Variants in SLC25A25 observed in about 807,000 individuals in gnomAD.
SLC25A25 encodes mitochondrial adenyl nucleotide antiporter SLC25A25.
SLC25A25 carries 32 observed loss-of-function variants against 57.7 expected under a neutral mutation model. That is an observed-to-expected ratio of 0.55 (90% confidence interval 0.42 to 0.74). SLC25A25 has a LOEUF of 0.74. Ranked by LOEUF, SLC25A25 falls within the 30% of genes least tolerant of loss-of-function variation. SLC25A25 has a pLI of 0.00. For missense variants in SLC25A25, 556 were observed against 701.3 expected (o/e 0.79, Z 2.34); for synonymous variants, 306 against 291.2 (o/e 1.05, Z -0.52).
chr9:128,078,177 T>A lies in SLC25A25; in HGVS notation c.261+9597T>A, dbSNP rs567102799. 3.3e-5 allele frequency among the ~76,000 whole-genome samples: 5 copies of A among 152,202 alleles called. No individual in the cohort carries two copies. The South Asian group carries it at 1.0e-3, about 32-fold the overall frequency. On this transcript the variant is annotated intron_variant, in intron 1 of 10. Coordinates refer to ENST00000373069, the MANE Select transcript of SLC25A25 (RefSeq NM_001330988.2). ...CTTGTTGGTATGAGGACCTACTGCA[T>A]AAGGGGGGTGTGTGGGTTAAATTAG... is the stretch of plus-strand genomic sequence containing the variant.
intron 1 of SLC25A25, chr9:128,098,639 G>A: frequency 1.9e-6 from 3 of 1,614,112 alleles, no homozygotes; most frequent in Non-Finnish European, 2.5e-6. Flanking sequence ...TGAGTCGAAG[G>A]GGCTCCCTGC....
chr9:128,092,079 A>C (rs202020978), intron 1 of SLC25A25: 287 of 1,613,714 alleles, frequency 1.8e-4, no homozygotes, highest in Non-Finnish European at 2.3e-4. Context: ...CCTGCAGAGC[A>C]GTTTCCTAAG....
In SLC25A25 at chr9:128,107,077, C is replaced by T; in HGVS notation, c.1261C>T (p.Pro421Ser). 1 of 1,614,138 alleles carries T rather than the reference C, an allele frequency of 6.2e-7. No homozygotes were observed. Among genetic ancestry groups the T allele is most frequent in the Non-Finnish European group, 8.5e-7 (1 of 1,180,024 alleles). Residue 421 changes from proline to serine, a missense_variant, in exon 10 of 11, where the codon CCC becomes TCC. This residue lies in a region of SLC25A25 where 294 missense variants were observed against 389.6 expected (regional missense o/e 0.75). Coordinates refer to ENST00000373069, the MANE Select transcript of SLC25A25 (RefSeq NM_001330988.2). ...LQHYAVNSADPGVFVLLACGT... is the reference protein window; with the variant it reads ...LQHYAVNSADSGVFVLLACGT... ...GCACTATGCAGTGAACAGCGCGGAC[C>T]CCGGCGTGTTTGTGCTCCTGGCCTG...
At chr9:128,093,225 G>A (rs956629176) in intron 1 of SLC25A25, among the ~76,000 whole-genome samples, 1 of 51,224 alleles carries the variant, frequency 2.0e-5, no homozygotes, top group Non-Finnish European at 5.4e-5. Context: ...CAAAGCAGTG[G>A]GTCTCTCAGA....
chr9:128,068,286 C>A lies in SLC25A25; in HGVS notation c.-34C>A, dbSNP rs1448569030. On this transcript the variant is annotated 5_prime_UTR_variant, in exon 1 of 11. Coordinates refer to ENST00000373069, the MANE Select transcript of SLC25A25 (RefSeq NM_001330988.2). ...TCACCGCCGGCCCGCCGCCCCCGCT[C>A]CCGCCCGCGCCCGGAGCCCCTGCCT... is the stretch of plus-strand genomic sequence containing the variant. The A allele has an allele frequency of 2.9e-5, 36 of 1,249,366 alleles. No individual in the cohort carries two copies. The highest frequency in any genetic ancestry group is 3.5e-5 in the Non-Finnish European group (34 of 984,956). 77.4% of individuals were successfully genotyped at this position (1,249,366 alleles called of 1,614,324 possible).
At chr9:128,105,158 CTTTTTTTTT>C (rs11351573) in intron 6 of SLC25A25, among the ~76,000 whole-genome samples, 4 of 29,136 alleles carry the variant, frequency 1.4e-4, no homozygotes, top group Admixed American at 5.8e-4. Context: ...CACTCCCGGC[CTTTTTTTTT>C]TTTTTTTTTT....
At chr9:128,078,440 C>T (rs1315543811) in intron 1 of SLC25A25, among the ~76,000 whole-genome samples, 1 of 152,196 alleles carries the variant, frequency 6.6e-6, no homozygotes, top group Non-Finnish European at 1.5e-5. Context: ...GAGGGAGAAG[C>T]TTCCGTGGTG....
In SLC25A25 at chr9:128,102,268, T is replaced by C; in HGVS notation, c.513-102T>C. On this transcript the variant is annotated intron_variant, in intron 4 of 10. Coordinates refer to ENST00000373069, the MANE Select transcript of SLC25A25 (RefSeq NM_001330988.2). This position sits in a 1 kb window ranked among gnomAD's most constrained non-coding sequence, Gnocchi z 4.1. ...GGGGGCAGAGGCACCTCGTGTGGTT[T>C]CTGGGCATCCGAATGCCTGCCCTTG... is the stretch of plus-strand genomic sequence containing the variant. The C allele has an allele frequency of 7.1e-7, 1 of 1,415,924 alleles. No individual in the cohort carries two copies. The highest frequency in any genetic ancestry group is 1.8e-4 in the Middle Eastern group (1 of 5,646). The allele number at this position is 1,415,924 out of a possible 1,614,324, so 87.7% of individuals were successfully genotyped here. A position where few individuals can be genotyped will look rare whatever the true frequency, so the allele number is the denominator to read the frequency against.
Position 128,101,553 on chromosome 9 carries a change from C to T in SLC25A25, c.476+157C>T, listed in dbSNP as rs1168071581. On this transcript the variant is annotated intron_variant, in intron 3 of 10. Coordinates refer to ENST00000373069, the MANE Select transcript of SLC25A25 (RefSeq NM_001330988.2). The surrounding 1 kb of genome is among the most constrained non-coding windows in gnomAD (Gnocchi z 4.9). ...AACCCCTGTGGGAGGCCAGCCCCTC[C>T]CCAGGGTTGCAGGCCTGCTTTCATT... 6.6e-6 allele frequency among the ~76,000 whole-genome samples: 1 copy of T among 152,244 alleles called. No homozygotes were observed. The highest frequency in any genetic ancestry group is 1.5e-5 in the Non-Finnish European group (1 of 68,038).
At chr9:128,089,985 T>C (rs1295324174) in intron 1 of SLC25A25, among the ~76,000 whole-genome samples, 4 of 152,110 alleles carry the variant, frequency 2.6e-5, no homozygotes, top group Non-Finnish European at 4.4e-5. Context: ...TATGCCTGGG[T>C]CATACATGCT....
In SLC25A25 at chr9:128,099,856, C is replaced by T. The variant is rs1029162932; in HGVS notation, c.262-1240C>T. On this transcript the variant is annotated intron_variant, in intron 1 of 10. Transcript: ENST00000373069. This position sits in a 1 kb window ranked among gnomAD's most constrained non-coding sequence, Gnocchi z 6.8. ...TGGGCCATCCATTTCCAAACCCCAG[C>T]TGGCTGTCAGTTGATTTCTCCCAGT... 6.6e-6 allele frequency among the ~76,000 whole-genome samples: 1 copy of T among 152,154 alleles called. No homozygotes were observed. Among genetic ancestry groups the T allele is most frequent in the Non-Finnish European group, 1.5e-5 (1 of 68,030 alleles).
intron 1 of SLC25A25, among the ~76,000 whole-genome samples, chr9:128,097,685 C>T (rs1185594137): frequency 2.0e-5 from 3 of 152,300 alleles, no homozygotes; most frequent in East Asian, 1.9e-4. Flanking sequence ...CGGACGTGGG[C>T]GTTGAAGACT....
In SLC25A25 at chr9:128,102,592, TC is replaced by T; in HGVS notation, c.624+113del. 1 of 782,346 alleles carries T rather than the reference TC, an allele frequency of 1.3e-6. No individual in the cohort carries two copies. Among genetic ancestry groups the T allele is most frequent in the Non-Finnish European group, 2.1e-6 (1 of 483,836 alleles). The allele number at this position is 782,346 out of a possible 1,614,324, so 48.5% of individuals were successfully genotyped here. A position where few individuals can be genotyped will look rare whatever the true frequency, so the allele number is the denominator to read the frequency against. On this transcript the variant is annotated intron_variant, in intron 5 of 10. Coordinates refer to ENST00000373069, the MANE Select transcript of SLC25A25 (RefSeq NM_001330988.2). The surrounding 1 kb of genome is among the most constrained non-coding windows in gnomAD (Gnocchi z 4.1). ...CTGGGGCTTTCCAGCCACCTCCTCTTCCACAGGAGACTGTCCCCTCTTCTGC... is the reference window on the plus strand; with the variant it reads ...CTGGGGCTTTCCAGCCACCTCCTCTTCACAGGAGACTGTCCCCTCTTCTGC...
At chr9:128,080,934 A>C (rs1329256330) in intron 1 of SLC25A25, among the ~76,000 whole-genome samples, 1 of 152,158 alleles carries the variant, frequency 6.6e-6, no homozygotes, top group African/African-American at 2.4e-5. Context: ...GGAGAAAGAC[A>C]AGGTTCCTCA....
intron 1 of SLC25A25, among the ~76,000 whole-genome samples, chr9:128,072,346 T>C (rs1021559378): frequency 2.6e-5 from 4 of 152,172 alleles, no homozygotes; most frequent in Non-Finnish European, 4.4e-5. Context: ...TCATCTGCCA[T>C]GGGAATAGAT....
In SLC25A25 at chr9:128,084,323, C is replaced by T. The variant is rs1412899989; in HGVS notation, c.261+15743C>T. Among the ~76,000 whole-genome samples, 4 of 150,156 alleles carry T rather than the reference C, an allele frequency of 2.7e-5. No homozygotes were observed. The South Asian group carries it at 6.3e-4, about 24-fold the overall frequency. On this transcript the variant is annotated intron_variant, in intron 1 of 10. Transcript: ENST00000373069. The stretch of plus-strand genomic sequence containing the variant: ...TTGCCCAGGCTGGAGTGCAGTGGCG[C>T]GATCTCGGCTTACTGCAACCTCCGC...
At chr9:128,106,120 A>G (rs371304176) in intron 7 of SLC25A25, 30 bp from the exon 8 acceptor site, 23 of 1,613,388 alleles carry the variant, frequency 1.4e-5, no homozygotes, top group African/African-American at 9.3e-5. Flanking sequence ...CTCTGGGTAT[A>G]TCAGGTGGTT....
At position 128,102,146 on chromosome 9, in the gene SLC25A25, C is replaced by T. The variant is rs1289213649; in HGVS notation, c.512+31C>T. 1 of 1,550,200 alleles carries T rather than the reference C, an allele frequency of 6.5e-7. No individual in the cohort carries two copies. The highest frequency in any genetic ancestry group is 8.7e-7 in the Non-Finnish European group (1 of 1,146,692). On this transcript the variant is annotated intron_variant, in intron 4 of 10. Coordinates refer to ENST00000373069, the MANE Select transcript of SLC25A25 (RefSeq NM_001330988.2). The surrounding 1 kb of genome is among the most constrained non-coding windows in gnomAD (Gnocchi z 4.1). ...TATCCATGTCGCTCATGACTGCCTC[C>T]CTTGACTTCCATGCCTGATCAGAGC...
chr9:128,089,510 A>G (rs1833349907), intron 1 of SLC25A25, among the ~76,000 whole-genome samples: 2 of 152,138 alleles, frequency 1.3e-5, no homozygotes, highest in Admixed American at 1.3e-4. Flanking sequence ...TTTAATCAAC[A>G]TGCAAAACTG....
Sources: gnomAD v4.1 joint callset for allele counts (sites outside exome capture counted in the v4.1 genomes callset) on GRCh38, gnomAD v4.1.1 for gene constraint, gnomAD v4.1.1 regional missense constraint, Gnocchi (gnomAD v3.1) non-coding constraint, MANE v1.5 for transcripts, NCBI Gene and HGNC (gene_info 2026-07-23, HGNC 2026-07-21) for gene names.